WHRN: variants seen among roughly 807,000 people sequenced by gnomAD.
WHRN encodes the protein CASK-interacting protein CIP98.
Under a neutral mutation model 68.3 loss-of-function variants are expected in WHRN, and 41 were observed. The observed-to-expected ratio is 0.60, with a 90% CI of 0.47 to 0.78. The LOEUF is 0.78. Among genes scored for constraint, WHRN ranks in the 30% least tolerant of loss-of-function variants. WHRN has a pLI of 0.00. For synonymous variants in WHRN, 560 were observed against 561.3 expected (o/e 1.00, Z 0.03); for missense variants, 1,243 against 1,244.7 (o/e 1.00, Z 0.02).
intron 2 of WHRN, among the ~76,000 whole-genome samples, chr9:114,471,150 A>C (rs1841187467): frequency 6.6e-6 from 1 of 152,160 alleles, no homozygotes; most frequent in African/African-American, 2.4e-5. Flanking sequence ...GGGAAAGCAA[A>C]TGACACTGTG....
In WHRN at chr9:114,403,296, T is replaced by C; in HGVS notation, c.2462A>G (p.Lys821Arg). ...EPTSTLVRVK[K>R]SAATLGIAIE... Reference sequence around the variant, plus strand: ...GGCGATGCCCAGGGTGGCCGCACTTTTCTTCACACGGACCAGAGTGGACGT... The same window carrying C: ...GGCGATGCCCAGGGTGGCCGCACTTCTCTTCACACGGACCAGAGTGGACGT... The change falls in exon 11 of 12, where the codon AAA (lysine) becomes AGA (arginine). Residue 821 changes from lysine to arginine, a missense_variant. Coordinates refer to ENST00000362057, the MANE Select transcript of WHRN (RefSeq NM_015404.4). 6.2e-7 allele frequency: 1 copy of C among 1,614,128 alleles called. No homozygotes were observed. Among genetic ancestry groups the C allele is most frequent in the Admixed American group, 1.7e-5 (1 of 60,030 alleles).
intron 4 of WHRN, chr9:114,425,300 C>G (rs1836724805): frequency 1.6e-6 from 1 of 623,904 alleles, no homozygotes; most frequent in Non-Finnish European, 2.9e-6. Context: ...CAGGACCAGG[C>G]AGGTAACACA....
chr9:114,442,473 C>T (rs1317408337), intron 3 of WHRN, among the ~76,000 whole-genome samples: 1 of 152,084 alleles, frequency 6.6e-6, no homozygotes, highest in East Asian at 1.9e-4. Flanking sequence ...GCAAATGTGG[C>T]GAAACATGAA....
chr9:114,469,015 C>G (rs10982236), intron 2 of WHRN, among the ~76,000 whole-genome samples: 35,480 of 152,186 alleles, frequency 0.23, 4,339 homozygotes, highest in Middle Eastern at 0.3. Flanking sequence ...TGCTTCACCT[C>G]TCTGTGCCTC....
At position 114,441,794 on chromosome 9, in the gene WHRN, C is replaced by A. The variant is rs189340683; in HGVS notation, c.964-15381G>T. On this transcript the variant is annotated intron_variant, in intron 3 of 11. Transcript: ENST00000362057. ...AGCAAGTGAGTTTTTTAAAATTTTG[C>A]AAAACAACTGAATCAGGGAAAACTA... 8.1e-4 allele frequency among the ~76,000 whole-genome samples: 124 copies of A among 152,226 alleles called. 1 individual carries two copies. The highest frequency in any genetic ancestry group is 2.0e-3 in the Admixed American group (30 of 15,288).
In WHRN at chr9:114,424,686, G is replaced by A. The variant is rs1316402146; in HGVS notation, c.1204-140C>T. ...TCTCCCTCATAACCCCCAGCACCTT[G>A]CCTTGATAGTACTATCTTTCTTAAT... On this transcript the variant is annotated intron_variant, in intron 5 of 11. Transcript: ENST00000362057. The A allele has an allele frequency of 8.1e-6, 8 of 990,750 alleles. No homozygotes were observed. The East Asian group carries it at 2.1e-4, about 26-fold the overall frequency. 61.4% of individuals were successfully genotyped at this position (990,750 alleles called of 1,614,324 possible).
intron 3 of WHRN, among the ~76,000 whole-genome samples, chr9:114,450,034 G>A (rs1301390403): frequency 6.6e-6 from 1 of 152,086 alleles, no homozygotes; most frequent in Non-Finnish European, 1.5e-5. Context: ...CAACTCTGAG[G>A]CTTAGGACTT....
intron 1 of WHRN, among the ~76,000 whole-genome samples, chr9:114,485,443 C>A (rs1842402371): frequency 6.6e-6 from 1 of 152,242 alleles, no homozygotes; most frequent in African/African-American, 2.4e-5. Flanking sequence ...GCAATCCCAG[C>A]ACTTTGGGAG....
At chr9:114,446,730 C>A (rs1190177233) in intron 3 of WHRN, among the ~76,000 whole-genome samples, 6 of 152,158 alleles carry the variant, frequency 3.9e-5, no homozygotes, top group Non-Finnish European at 8.8e-5. Context: ...CCCTGGACAT[C>A]CCAAACTCTG....
Position 114,424,990 on chromosome 9 carries a change from T to C in WHRN, c.1201A>G (p.Lys401Glu), listed in dbSNP as rs1203399808. 6.2e-7 allele frequency: 1 copy of C among 1,614,020 alleles called. No individual in the cohort carries two copies. The highest frequency in any genetic ancestry group is 8.5e-7 in the Non-Finnish European group (1 of 1,179,984). The change falls in exon 5 of 12, where the codon AAG (lysine) becomes GAG (glutamate). Residue 401 changes from lysine to glutamate, a missense_variant and splice_region_variant. Transcript: ENST00000362057. The part of the protein sequence containing the change: ...LGDLTTEGIN[K>E]PGFYKGPAGS... ...ATACCCCTTAGAGGATGTCCTACCT[T>C]GTTTATTCCTTCTGTTGTGAGATCG...
chr9:114,489,270 G>T (rs780246382), intron 1 of WHRN, among the ~76,000 whole-genome samples: 1 of 152,120 alleles, frequency 6.6e-6, no homozygotes, highest in Non-Finnish European at 1.5e-5. Context: ...TAAAGAGACA[G>T]TGAAGAAATG....
chr9:114,429,103 T>G (rs1332117959), intron 3 of WHRN, among the ~76,000 whole-genome samples: 1 of 152,170 alleles, frequency 6.6e-6, no homozygotes, highest in African/African-American at 2.4e-5. Flanking sequence ...GCTAACTTTT[T>G]GTATTTTAGT....
chr9:114,431,578 A>G (rs1043443505), intron 3 of WHRN, among the ~76,000 whole-genome samples: 5 of 152,090 alleles, frequency 3.3e-5, no homozygotes, highest in African/African-American at 1.2e-4. Context: ...TCTTGTTCTC[A>G]CTTCTGTTTG....
At chr9:114,480,507 G>A (rs1589233904) in intron 1 of WHRN, among the ~76,000 whole-genome samples, 1 of 152,038 alleles carries the variant, frequency 6.6e-6, no homozygotes, top group South Asian at 2.1e-4. Context: ...CTCTCTTCAT[G>A]TGGGGACACA....
intron 3 of WHRN, among the ~76,000 whole-genome samples, chr9:114,432,754 G>C (rs1203862383): frequency 6.6e-6 from 1 of 152,192 alleles, no homozygotes. Context: ...GAATGAACAA[G>C]TATAAAGCAC....
rs751201674 is a variant in WHRN, at chr9:114,402,931, G to A, written c.2547C>T (p.Gly849=). Residue 849 remains glycine (G), a synonymous_variant, in exon 12 of 12, where the codon GGC becomes GGT. Transcript: ENST00000362057. ...GCTGCCCACAGTTGTGAGCTGAGCC[G>A]CCTCTCTGCAGGGAGGAGACACAGG... ...PLPRIVTIQR[G]GSAHNCGQLK... The A allele has an allele frequency of 2.1e-5, 34 of 1,610,164 alleles. No individual in the cohort carries two copies. Among genetic ancestry groups the A allele is most frequent in the East Asian group, 4.5e-5 (2 of 44,754 alleles).
chr9:114,423,366 G>A lies in WHRN; in HGVS notation c.1574C>T (p.Thr525Met), dbSNP rs763404501. 19 of 1,613,942 alleles carry A rather than the reference G, an allele frequency of 1.2e-5. No individual in the cohort carries two copies. Among genetic ancestry groups the A allele is most frequent in the East Asian group, 4.5e-5 (2 of 44,872 alleles). The change falls in exon 7 of 12, where the codon ACG becomes ATG. Residue 525 changes from threonine to methionine, a missense_variant. Transcript: ENST00000362057. ...GCCGTGGCTGCCTGTGGATGAACCC[G>A]TGTCACTGTAGGAGACCATGGAGTA... is the stretch of plus-strand genomic sequence containing the variant. ...DTYSMVSYSD[T>M]GSSTGSHGTS...
At chr9:114,406,050 G>T (rs186993058) in intron 9 of WHRN, among the ~76,000 whole-genome samples, 15 of 152,350 alleles carry the variant, frequency 9.8e-5, no homozygotes, top group Non-Finnish European at 1.3e-4. Context: ...GTGAACACAG[G>T]GTGGCCAGGG....
intron 3 of WHRN, among the ~76,000 whole-genome samples, chr9:114,440,658 G>A (rs982731256): frequency 6.6e-6 from 1 of 152,170 alleles, no homozygotes; most frequent in Non-Finnish European, 1.5e-5. Flanking sequence ...AATCATAACT[G>A]CATAAAATTT....
Sources: allele counts gnomAD v4.1 joint callset (sites outside exome capture counted in the v4.1 genomes callset), GRCh38; gene constraint gnomAD v4.1.1; transcripts MANE v1.5; gene names NCBI Gene and HGNC (gene_info 2026-07-23, HGNC 2026-07-21).